The following TPTE2 variants were observed in gnomAD, a reference collection of about 807,000 sequenced individuals.
The protein encoded by TPTE2 is phosphatidylinositol 3,4,5-trisphosphate 3-phosphatase TPTE2.
Under a neutral mutation model 78.6 loss-of-function variants are expected in TPTE2, and 53 were observed. That is an observed-to-expected ratio of 0.67 (90% CI 0.54 to 0.85). The LOEUF is 0.85. Among genes scored for constraint, TPTE2 ranks in the 40% least tolerant of loss-of-function variants. TPTE2 has a pLI of 0.00. For missense variants in TPTE2, 461 were observed against 623.0 expected (o/e 0.74, Z 2.77); for synonymous variants, 175 against 206.2 (o/e 0.85, Z 1.30).
chr13:19,529,319 G>A (rs1351272871), intron 1 of TPTE2, among the ~76,000 whole-genome samples: 1 of 152,004 alleles, frequency 6.6e-6, no homozygotes, highest in Non-Finnish European at 1.5e-5. Flanking sequence ...GAGAGACAGA[G>A]TTTCACCATG....
chr13:19,435,883 A>G (rs1179132796), intron 15 of TPTE2, among the ~76,000 whole-genome samples: 3 of 151,780 alleles, frequency 2.0e-5, no homozygotes, highest in Non-Finnish European at 2.9e-5. Context: ...TCTTTTTTAC[A>G]TTGAAATCAA....
At chr13:19,479,936 T>C (rs1880233696) in intron 4 of TPTE2, among the ~76,000 whole-genome samples, 1 of 147,350 alleles carries the variant, frequency 6.8e-6, no homozygotes. Flanking sequence ...CACTCCAGCC[T>C]GGTGACAGAG....
chr13:19,473,173 TG>T (rs1220756132), intron 6 of TPTE2, among the ~76,000 whole-genome samples: 1 of 152,208 alleles, frequency 6.6e-6, no homozygotes, highest in African/African-American at 2.4e-5. Flanking sequence ...AGCACAGCAC[TG>T]GGTCTTGCCC....
At chr13:19,447,954 A>G (rs979977578) in intron 13 of TPTE2, among the ~76,000 whole-genome samples, 1 of 152,194 alleles carries the variant, frequency 6.6e-6, no homozygotes, top group African/African-American at 2.4e-5. Flanking sequence ...TTTAAGAACA[A>G]CCTTAAATAT....
Position 19,436,179 on chromosome 13 carries a change from T to G in TPTE2, c.1116+47A>C, listed in dbSNP as rs1322176073. On this transcript the variant is annotated intron_variant, in intron 15 of 19. Transcript: ENST00000400230. Reference sequence around the variant, plus strand: ...GAAACCAAATAACAGGTGGCAATCTTAACCCACTCCCCTAAAAAAACTCCC... The same window carrying G: ...GAAACCAAATAACAGGTGGCAATCTGAACCCACTCCCCTAAAAAAACTCCC... 4 of 1,500,430 alleles carry G rather than the reference T, an allele frequency of 2.7e-6. No homozygotes were observed. The African/African-American group carries it at 4.2e-5, about 16-fold the overall frequency. 92.9% of individuals were successfully genotyped at this position (1,500,430 alleles called of 1,614,324 possible).
rs1158191676 is a variant in TPTE2, at chr13:19,434,495, G to C, written c.1116+1731C>G. Among the ~76,000 whole-genome samples the C allele has an allele frequency of 2.6e-5, 4 of 152,238 alleles. No individual in the cohort carries two copies. The East Asian group carries it at 7.7e-4, about 29-fold the overall frequency. The stretch of plus-strand genomic sequence containing the variant: ...TATTGCCATTGGCAGTGGGGACATA[G>C]TATGGATTTTGAGCATGGAAATGGC... On this transcript the variant is annotated intron_variant, in intron 15 of 19. Transcript: ENST00000400230.
At chr13:19,459,540 C>T (rs561607454) in intron 10 of TPTE2, among the ~76,000 whole-genome samples, 3 of 152,262 alleles carry the variant, frequency 2.0e-5, no homozygotes, top group Admixed American at 6.5e-5. Context: ...TGTGGGGGAT[C>T]CTTCCTCCTC....
rs182896525 is a variant in TPTE2, at chr13:19,434,209, T to C, written c.1117-1631A>G. ...ACCACTTCAAATAACTAGAGAATGATGCAAAGTGACGTAGTCCCTAAAAGA... is the reference window on the plus strand; with the variant it reads ...ACCACTTCAAATAACTAGAGAATGACGCAAAGTGACGTAGTCCCTAAAAGA... On this transcript the variant is annotated intron_variant, in intron 15 of 19. Transcript: ENST00000400230. Among the ~76,000 whole-genome samples the C allele has an allele frequency of 2.3e-3, 355 of 152,186 alleles. 2 individuals carry two copies. The highest frequency in any genetic ancestry group is 8.2e-3 in the African/African-American group (342 of 41,494).
Position 19,424,927 on chromosome 13 carries a change from G to A in TPTE2, c.1466+20C>T. The A allele has an allele frequency of 7.2e-7, 1 of 1,387,866 alleles. No homozygotes were observed. The highest frequency in any genetic ancestry group is 9.9e-7 in the Non-Finnish European group (1 of 1,006,312). The allele number at this position is 1,387,866 out of a possible 1,614,324, so 86.0% of individuals were successfully genotyped here. A position where few individuals can be genotyped will look rare whatever the true frequency, so the allele number is the denominator to read the frequency against. On this transcript the variant is annotated intron_variant, in intron 19 of 19. Transcript: ENST00000400230. ...CATTGAAGATTAGGCTGTTTCTATG[G>A]GTTTCTATTATATTCATACCTGTTA...
chr13:19,451,837 G>GTT, intron 10 of TPTE2, among the ~76,000 whole-genome samples: 1 of 117,698 alleles, frequency 8.5e-6, no homozygotes, highest in Non-Finnish European at 1.8e-5. Flanking sequence ...GTGTGTGTGT[G>GTT]TGTGTGTATA....
chr13:19,462,397 T>C (rs1878981452), intron 10 of TPTE2, among the ~76,000 whole-genome samples: 2 of 152,144 alleles, frequency 1.3e-5, no homozygotes, highest in South Asian at 2.1e-4. Context: ...GTTTTTTTTT[T>C]CCTTCAGTAC....
intron 5 of TPTE2, 112 bp downstream of exon 8, chr13:19,475,461 T>A (rs1482271659): frequency 8.4e-6 from 10 of 1,196,392 alleles, no homozygotes; most frequent in African/African-American, 3.1e-5. Flanking sequence ...CCTGACTTCA[T>A]GTGATCTGCC....
At chr13:19,507,148 CT>C (rs1172311037), upstream of TPTE2, among the ~76,000 whole-genome samples, 3 of 152,074 alleles carry the variant, frequency 2.0e-5, no homozygotes, top group Non-Finnish European at 4.4e-5. Context: ...TTCACTATCA[CT>C]GAGGACTCCA....
chr13:19,433,016 G>T (rs1370104618), intron 15 of TPTE2, among the ~76,000 whole-genome samples: 1 of 152,176 alleles, frequency 6.6e-6, no homozygotes, highest in Non-Finnish European at 1.5e-5. Context: ...TCAGTAGCAG[G>T]TTTCCCGTCA....
intron 1 of TPTE2, among the ~76,000 whole-genome samples, chr13:19,499,047 AAAG>A (rs1881581866): frequency 6.6e-6 from 1 of 152,132 alleles, no homozygotes. Flanking sequence ...CAAAAGAGAC[AAAG>A]AAGGCCATTA....
rs1881072348 is a variant in TPTE2 at position 19,492,737 on chromosome 13, G to C, written c.119+113C>G. ...ATGGGTTTGTTTGTGTAAATGTGTTGACAAAAGTGTGTATGGATGAAGATG... is the reference window on the plus strand; with the variant it reads ...ATGGGTTTGTTTGTGTAAATGTGTTCACAAAAGTGTGTATGGATGAAGATG... On this transcript the variant is annotated intron_variant, in intron 3 of 19. Transcript: ENST00000400230. 6.2e-6 allele frequency: 9 copies of C among 1,441,410 alleles called. No individual in the cohort carries two copies. The South Asian group carries it at 1.2e-4, about 19-fold the overall frequency. 89.3% of individuals were successfully genotyped at this position (1,441,410 alleles called of 1,614,324 possible). A position where few individuals can be genotyped will look rare whatever the true frequency, so the allele number is the denominator to read the frequency against.
chr13:19,479,738 C>T (rs28720029), intron 4 of TPTE2, among the ~76,000 whole-genome samples: 10,910 of 151,976 alleles, frequency 0.072, 512 homozygotes, highest in Middle Eastern at 0.18. Context: ...CCAAGGTGGG[C>T]GGATCATGAG....
chr13:19,489,019 T>C (rs528909783), intron 3 of TPTE2, among the ~76,000 whole-genome samples: 1 of 152,078 alleles, frequency 6.6e-6, no homozygotes, highest in South Asian at 2.1e-4. Context: ...TTCAATATTG[T>C]TGTGACTCAG....
At chr13:19,553,764 A>G in the TPTE2 span, among the ~76,000 whole-genome samples, 12 of 152,312 alleles carry the variant, frequency 7.9e-5, no homozygotes, top group African/African-American at 2.9e-4. Context: ...TTGTAGATCA[A>G]TGGTTGCCTG....
Sources: gnomAD v4.1 joint callset for allele counts (sites outside exome capture counted in the v4.1 genomes callset) on GRCh38, gnomAD v4.1.1 for gene constraint, MANE v1.5 for transcripts, NCBI Gene and HGNC (gene_info 2026-07-23, HGNC 2026-07-21) for gene names.